CCDC73: variants seen among roughly 807,000 people sequenced by gnomAD.
CCDC73 encodes the protein coiled-coil domain-containing protein 73.
A neutral mutation model predicts 116.5 loss-of-function variants in CCDC73; 95 were observed. That is an observed-to-expected ratio of 0.82 (90% CI 0.69 to 0.97). The LOEUF (loss-of-function observed/expected upper bound fraction) is 0.97, where lower values mean the gene tolerates loss of function less well. Ranked by LOEUF, CCDC73 falls within the 50% of genes least tolerant of loss-of-function variation. The probability of loss-of-function intolerance (pLI) is 0.00; values close to 1 mark genes in which losing one functional copy is unlikely to be tolerated. For synonymous variants in CCDC73, 398 were observed against 401.3 expected (o/e 0.99, Z 0.10); for missense variants, 1,066 against 1,206.8 (o/e 0.88, Z 1.73).
At chr11:32,795,254 A>C (rs1385829471), upstream of CCDC73, among the ~76,000 whole-genome samples, 4 of 152,144 alleles carry the variant, frequency 2.6e-5, no homozygotes, top group African/African-American at 9.7e-5. Flanking sequence ...GGATTGCTTC[A>C]GGTCAGGAGT....
chr11:32,748,161 T>G (rs562363523), intron 2 of CCDC73, among the ~76,000 whole-genome samples: 1 of 152,338 alleles, frequency 6.6e-6, no homozygotes, highest in African/African-American at 2.4e-5. Flanking sequence ...GGACTATCTC[T>G]CATCATTTTG....
intron 2 of CCDC73, chr11:32,758,275 A>G (rs1381266732): frequency 1.8e-5 from 8 of 454,048 alleles, no homozygotes; most frequent in Admixed American, 1.6e-4. Context: ...AAAATGGTCC[A>G]GCATTTGACG....
intron 9 of CCDC73, among the ~76,000 whole-genome samples, chr11:32,671,962 G>A (rs12803104): frequency 0.018 from 2,726 of 152,246 alleles, 40 homozygotes; most frequent in Non-Finnish European, 0.026. Flanking sequence ...GACATTCTGC[G>A]CCTTCTTACA....
Position 32,782,348 on chromosome 11 carries a change from TG to T in CCDC73, c.-16+12264del, listed in dbSNP as rs147065319. On this transcript the variant is annotated intron_variant, in intron 1 of 17. Transcript: ENST00000335185. ...AATTGTCTTCCACAAAACCAGTCCC[TG>T]GTGCCAAAAAGTTGGGGACCACTGT... Among the ~76,000 whole-genome samples the T allele has an allele frequency of 6.3e-3, 966 of 152,332 alleles. 7 individuals are homozygous for T. Among genetic ancestry groups the T allele is most frequent in the Middle Eastern group, 0.061 (18 of 294 alleles).
chr11:32,728,573 C>A (rs2133342361), intron 2 of CCDC73, among the ~76,000 whole-genome samples: 1 of 152,170 alleles, frequency 6.6e-6, no homozygotes, highest in Admixed American at 6.5e-5. Context: ...TTCTTCTAGG[C>A]CCTCTCGGGA....
intron 10 of CCDC73, among the ~76,000 whole-genome samples, chr11:32,654,318 T>C (rs1855852114): frequency 6.6e-6 from 1 of 152,182 alleles, no homozygotes; most frequent in African/African-American, 2.4e-5. Flanking sequence ...GGATTACAGA[T>C]GCCCACCATT....
upstream of CCDC73, among the ~76,000 whole-genome samples, chr11:32,799,342 T>A (rs1405847323): frequency 6.6e-6 from 1 of 152,046 alleles, no homozygotes; most frequent in Non-Finnish European, 1.5e-5. Context: ...TCTGCCCACC[T>A]CACCCTCCCA....
chr11:32,801,385 G>A, the CCDC73 span, among the ~76,000 whole-genome samples: 1 of 152,224 alleles, frequency 6.6e-6, no homozygotes, highest in African/African-American at 2.4e-5. Context: ...GCTCACGCCT[G>A]TAATCCCAGC....
At chr11:32,754,878 CTTTTTTTTTT>C (rs34982926) in intron 2 of CCDC73, among the ~76,000 whole-genome samples, 1 of 86,566 alleles carries the variant, frequency 1.2e-5, no homozygotes, top group Non-Finnish European at 2.2e-5. Context: ...ATGGCTTCAA[CTTTTTTTTTT>C]TTTTTTTTTT....
At chr11:32,653,022 C>A in intron 12 of CCDC73, 101 bp downstream of exon 12, 1 of 659,948 alleles carries the variant, frequency 1.5e-6, no homozygotes, top group East Asian at 2.9e-5. Flanking sequence ...AAAATAATCT[C>A]AATAAAACTG....
At chr11:32,784,407 T>C (rs1850609600) in intron 1 of CCDC73, among the ~76,000 whole-genome samples, 1 of 151,972 alleles carries the variant, frequency 6.6e-6, no homozygotes, top group African/African-American at 2.4e-5. Flanking sequence ...AATATTACAA[T>C]AGTTCAGCTG....
chr11:32,695,019 T>A (rs1401408995), intron 6 of CCDC73, among the ~76,000 whole-genome samples: 1 of 152,182 alleles, frequency 6.6e-6, no homozygotes, highest in East Asian at 1.9e-4. Flanking sequence ...CTTCTGAAAC[T>A]CAAACAGTAA....
intron 14 of CCDC73, among the ~76,000 whole-genome samples, chr11:32,634,180 A>T (rs1855658366): frequency 6.6e-6 from 1 of 152,226 alleles, no homozygotes; most frequent in Admixed American, 6.5e-5. Context: ...CTTGACCAGT[A>T]TTACTCTTGA....
At position 32,613,919 on chromosome 11, in the gene CCDC73, G is replaced by C; in HGVS notation, c.2399C>G (p.Thr800Ser). The change falls in exon 16 of 18, where the codon ACT becomes AGT. Residue 800 changes from threonine (T) to serine (S), a missense_variant. Thr to Ser is a moderately conservative substitution (Grantham distance 58). Coordinates refer to ENST00000335185, the MANE Select transcript of CCDC73 (RefSeq NM_001008391.4). ...KDVKTAVHMK[T>S]CTETEFSNKK... The stretch of plus-strand genomic sequence containing the variant: ...ATTGGAAAACTCTGTTTCTGTGCAA[G>C]TTTTCATGTGAACAGCAGTTTTCAC... 6.2e-7 allele frequency: 1 copy of C among 1,612,344 alleles called. No individual in the cohort carries two copies. Among genetic ancestry groups the C allele is most frequent in the Non-Finnish European group, 8.5e-7 (1 of 1,179,918 alleles).
Position 32,663,753 on chromosome 11 carries a change from G to A in CCDC73, c.646-8781C>T, listed in dbSNP as rs1001419239. Among the ~76,000 whole-genome samples, 5 of 152,284 alleles carry A rather than the reference G, an allele frequency of 3.3e-5. No individual in the cohort carries two copies. In the East Asian group the frequency reaches 5.8e-4, roughly 18 times the overall value. ...TGGTGAGATAGGGCATCCCTGTCTT[G>A]TGCCAGTTTTCAAAGGGAATGCTTC... On this transcript the variant is annotated intron_variant, in intron 9 of 17. Transcript: ENST00000335185.
chr11:32,697,187 A>G (rs1856318939), intron 6 of CCDC73, among the ~76,000 whole-genome samples: 1 of 69,510 alleles, frequency 1.4e-5, no homozygotes, highest in African/African-American at 5.8e-5. Context: ...ATACATACAC[A>G]TACTTTTTGT....
At chr11:32,773,041 T>C (rs1850503957) in intron 1 of CCDC73, among the ~76,000 whole-genome samples, 2 of 152,152 alleles carry the variant, frequency 1.3e-5, no homozygotes, top group East Asian at 1.9e-4. Context: ...AACTGGTGAA[T>C]GGATAAATAA....
At chr11:32,718,006 T>C (rs1849960275) in intron 3 of CCDC73, 70 bp downstream of exon 3, 1 of 1,052,914 alleles carries the variant, frequency 9.5e-7, no homozygotes, top group Non-Finnish European at 1.4e-6. Flanking sequence ...CCTTGACACG[T>C]GGGGGTTACG....
chr11:32,798,854 T>G (rs1850748061), upstream of CCDC73, among the ~76,000 whole-genome samples: 1 of 151,444 alleles, frequency 6.6e-6, no homozygotes, highest in African/African-American at 2.4e-5. Context: ...AACACTTTTT[T>G]TTCACTACAA....
Sources: gnomAD v4.1 joint callset for allele counts (sites outside exome capture counted in the v4.1 genomes callset) on GRCh38, gnomAD v4.1.1 for gene constraint, MANE v1.5 for transcripts, NCBI Gene and HGNC (gene_info 2026-07-23, HGNC 2026-07-21) for gene names.